TLL1: variants seen among roughly 807,000 people sequenced by gnomAD.
TLL1 encodes tolloid-like protein 1.
In TLL1, 49 loss-of-function variants were observed where a neutral mutation model predicts 128.2. The ratio of observed to expected loss-of-function variants is 0.38; its 90% confidence interval spans 0.30 to 0.48. The LOEUF (loss-of-function observed/expected upper bound fraction) is 0.48, where lower values mean the gene tolerates loss of function less well. TLL1 is among the 20% of genes least tolerant of loss of function. TLL1 has a pLI of 0.96. For synonymous variants in TLL1, 454 were observed against 418.8 expected, an observed-to-expected ratio of 1.08 and a Z score of -1.03; for missense variants, 1,123 against 1,242.0, an observed-to-expected ratio of 0.90 and a Z score of 1.44.
chr4:166,073,082 T>C (rs554911765), intron 16 of TLL1, among the ~76,000 whole-genome samples: 2 of 152,276 alleles, frequency 1.3e-5, no homozygotes, highest in South Asian at 4.1e-4. Context: ...AGAATAATTC[T>C]GCCACCAGCA....
intron 1 of TLL1, among the ~76,000 whole-genome samples, chr4:165,907,307 T>C (rs1221465241): frequency 6.6e-6 from 1 of 152,184 alleles, no homozygotes; most frequent in Non-Finnish European, 1.5e-5. Flanking sequence ...ATGGGAAGCA[T>C]GATTTTGCTC....
At chr4:165,959,241 C>T (rs938360861) in intron 1 of TLL1, among the ~76,000 whole-genome samples, 7 of 151,986 alleles carry the variant, frequency 4.6e-5, no homozygotes, top group Admixed American at 3.3e-4. Flanking sequence ...TTTTCCAATT[C>T]TGTGAAGAAA....
At position 166,078,004 on chromosome 4, in the gene TLL1, G is replaced by C; in HGVS notation, c.2416G>C (p.Ala806Pro). ...SRKECTWEIS[A>P]TPGHRIKLAF... ...GAAAGAATGCACTTGGGAAATCAGC[G>C]CCACTCCTGGCCACCGAATCAAATT... The change falls in exon 18 of 21, where the codon GCC becomes CCC. Residue 806 changes from alanine (A) to proline (P), a missense_variant. Physicochemically the swap from Ala to Pro is conservative, Grantham distance 27 (BLOSUM62 -1). This residue lies in a region of TLL1 where 634 missense variants were observed against 672.4 expected (regional missense o/e 0.94). Transcript: ENST00000061240. 6.2e-7 allele frequency: 1 copy of C among 1,613,586 alleles called. No homozygotes were observed. Among genetic ancestry groups the C allele is most frequent in the Non-Finnish European group, 8.5e-7 (1 of 1,179,732 alleles).
At chr4:165,988,838 A>G (rs570064296) in intron 1 of TLL1, among the ~76,000 whole-genome samples, 1 of 152,138 alleles carries the variant, frequency 6.6e-6, no homozygotes, top group Non-Finnish European at 1.5e-5. Context: ...AGGCAATGCC[A>G]TCTTAAGATA....
intron 1 of TLL1, among the ~76,000 whole-genome samples, chr4:165,966,614 GAA>G (rs375003883): frequency 6.6e-5 from 10 of 151,084 alleles, no homozygotes; most frequent in Middle Eastern, 3.4e-3. Context: ...ACAAAAGAGA[GAA>G]ATTTTAAAGC....
At chr4:165,930,554 C>T (rs1192678007) in intron 1 of TLL1, among the ~76,000 whole-genome samples, 1 of 151,918 alleles carries the variant, frequency 6.6e-6, no homozygotes, top group Non-Finnish European at 1.5e-5. Context: ...GAAGTACCTC[C>T]AACAGAGGAT....
At chr4:165,895,995 A>G (rs1053506497) in intron 1 of TLL1, among the ~76,000 whole-genome samples, 3 of 152,186 alleles carry the variant, frequency 2.0e-5, no homozygotes, top group Non-Finnish European at 4.4e-5. Flanking sequence ...CAGGTTTGTT[A>G]CATAGGTATA....
intron 1 of TLL1, among the ~76,000 whole-genome samples, chr4:165,977,231 T>C (rs537917049): frequency 5.9e-5 from 9 of 152,228 alleles, no homozygotes; most frequent in African/African-American, 1.9e-4. Context: ...TGGGAGGTGA[T>C]TGGATCATGG....
chr4:165,938,932 C>G, intron 1 of TLL1, among the ~76,000 whole-genome samples: 1 of 151,884 alleles, frequency 6.6e-6, no homozygotes, highest in East Asian at 1.9e-4. Context: ...CATTGTATCT[C>G]TTTGTGAATA....
chr4:165,967,838 C>A (rs965360987), intron 1 of TLL1, among the ~76,000 whole-genome samples: 2 of 152,058 alleles, frequency 1.3e-5, no homozygotes, highest in Non-Finnish European at 2.9e-5. Context: ...AGCTGATGTA[C>A]TAAGATATAA....
At chr4:166,016,584 T>A (rs1737960833) in intron 8 of TLL1, among the ~76,000 whole-genome samples, 1 of 152,080 alleles carries the variant, frequency 6.6e-6, no homozygotes, top group Non-Finnish European at 1.5e-5. Context: ...ATTTCAATTG[T>A]GTAAAATACA....
chr4:165,991,365 C>A (rs1275134043), intron 2 of TLL1, among the ~76,000 whole-genome samples: 1 of 151,872 alleles, frequency 6.6e-6, no homozygotes, highest in Non-Finnish European at 1.5e-5. Flanking sequence ...GAATTGCAAA[C>A]AATGTAATAT....
At chr4:165,928,885 T>A (rs572835959) in intron 1 of TLL1, among the ~76,000 whole-genome samples, 16 of 152,348 alleles carry the variant, frequency 1.1e-4, no homozygotes, top group African/African-American at 3.6e-4. Flanking sequence ...TCCAATTTTT[T>A]AAAAAGTGTC....
chr4:165,965,619 C>T (rs1358039501), intron 1 of TLL1, among the ~76,000 whole-genome samples: 2 of 152,124 alleles, frequency 1.3e-5, no homozygotes, highest in Admixed American at 6.6e-5. Flanking sequence ...GAGAAGTACC[C>T]TACATGATCA....
At chr4:165,978,197 C>T (rs1735977137) in intron 1 of TLL1, among the ~76,000 whole-genome samples, 1 of 152,012 alleles carries the variant, frequency 6.6e-6, no homozygotes, top group Non-Finnish European at 1.5e-5. Flanking sequence ...TTCCAAAAAG[C>T]TCTGATTTTT....
chr4:166,014,538 A>G lies in TLL1; in HGVS notation c.1020A>G (p.Ala340=), dbSNP rs749223980. ...TRLSKGDIAQ[A]RKLYRCPACG... ...TAAGCAAAGGAGATATCGCACAGGC[A>G]AGAAAGCTGTATAGATGTCCAGGTA... Residue 340 remains alanine, a synonymous_variant, in exon 8 of 21, where the codon GCA becomes GCG. Transcript: ENST00000061240. 2.4e-5 allele frequency: 39 copies of G among 1,612,224 alleles called. No homozygotes were observed. The highest frequency in any genetic ancestry group is 3.1e-5 in the Non-Finnish European group (36 of 1,178,612).
At chr4:166,047,919 A>G (rs1447046792) in intron 12 of TLL1, among the ~76,000 whole-genome samples, 2 of 152,092 alleles carry the variant, frequency 1.3e-5, no homozygotes, top group Admixed American at 6.6e-5. Context: ...TGGAGCCCTC[A>G]TGAATGAATC....
chr4:166,081,513 C>T (rs1180900837), intron 18 of TLL1, among the ~76,000 whole-genome samples: 3 of 152,158 alleles, frequency 2.0e-5, no homozygotes, highest in Non-Finnish European at 2.9e-5. Context: ...GCAAGCTCCC[C>T]TCGTATCTGC....
Position 166,057,245 on chromosome 4 carries a change from G to C in TLL1, c.1782G>C (p.Leu594=). The change falls in exon 14 of 21, where the codon CTG becomes CTC. Residue 594 remains leucine, a synonymous_variant. Coordinates refer to ENST00000061240, the MANE Select transcript of TLL1 (RefSeq NM_012464.5). ...GGCEQRCLNT[L]GSYQCACEPG... ...GTGAGCAGCGATGTCTGAACACTCT[G>C]GGCAGTTACCAGTGTGCCTGTGAGC... 6.2e-7 allele frequency: 1 copy of C among 1,613,968 alleles called. No homozygotes were observed. Among genetic ancestry groups the C allele is most frequent in the South Asian group, 1.1e-5 (1 of 91,080 alleles).
Sources: allele counts gnomAD v4.1 joint callset (sites outside exome capture counted in the v4.1 genomes callset), GRCh38; gene constraint gnomAD v4.1.1; regional missense constraint gnomAD v4.1.1; transcripts MANE v1.5; gene names NCBI Gene and HGNC (gene_info 2026-07-23, HGNC 2026-07-21).